Variants in TRAF3 observed in about 807,000 individuals in gnomAD.
The protein encoded by TRAF3 is TNF receptor-associated factor 3.
A neutral mutation model predicts 62.3 loss-of-function variants in TRAF3; 13 were observed. The observed-to-expected ratio is 0.21, with a 90% CI of 0.14 to 0.33. TRAF3 has a LOEUF of 0.33. TRAF3 is among the 10% of genes least tolerant of loss of function. TRAF3 has a pLI of 1.00. For synonymous variants in TRAF3, 269 were observed against 283.4 expected, an observed-to-expected ratio of 0.95 and a Z score of 0.51; for missense variants, 440 against 741.8, an observed-to-expected ratio of 0.59 and a Z score of 4.73.
Position 102,911,395 on chromosome 14 carries a change from T to C in TRAF3, c.*5611T>C, listed in dbSNP as rs1890861406. Reference sequence around the variant, plus strand: ...GTGTTTTGAGGTCTTGCAATGTTTTTGTGTTTCTGATGCTAATAACTAAAG... The same window carrying C: ...GTGTTTTGAGGTCTTGCAATGTTTTCGTGTTTCTGATGCTAATAACTAAAG... On this transcript the variant is annotated 3_prime_UTR_variant, in exon 12 of 12. Coordinates refer to ENST00000392745, the MANE Select transcript of TRAF3 (RefSeq NM_145725.3). 6.6e-6 allele frequency: 1 copy of C among 152,258 alleles called. No homozygotes were observed. Among genetic ancestry groups the C allele is most frequent in the African/African-American group, 2.4e-5 (1 of 41,452 alleles). The allele number at this position is 152,258 out of a possible 1,614,324, so 9.4% of individuals were successfully genotyped here. A position where few individuals can be genotyped will look rare whatever the true frequency, so the allele number is the denominator to read the frequency against.
At chr14:102,777,909 A>G (rs1481437680) in intron 1 of TRAF3, among the ~76,000 whole-genome samples, 1 of 149,302 alleles carries the variant, frequency 6.7e-6, no homozygotes, top group African/African-American at 2.4e-5. Context: ...AACTTCGGCA[A>G]ACTTTGTCCC....
intron 2 of TRAF3, among the ~76,000 whole-genome samples, chr14:102,856,423 T>G (rs1213115500): frequency 2.0e-5 from 3 of 152,202 alleles, no homozygotes; most frequent in African/African-American, 7.2e-5. Flanking sequence ...ATCTGGAAAC[T>G]GTCATGGTGC....
At position 102,880,699 on chromosome 14, in the gene TRAF3, G is replaced by A. The variant is rs1052482240; in HGVS notation, c.570+4174G>A. Among the ~76,000 whole-genome samples, 4 of 152,314 alleles carry A rather than the reference G, an allele frequency of 2.6e-5. No individual in the cohort carries two copies. The East Asian group carries it at 7.7e-4, about 29-fold the overall frequency. ...CAGTATTGACAATAGCAAAGACATG[G>A]AATCAACCTAAATGCCCATCAGTGA... On this transcript the variant is annotated intron_variant, in intron 6 of 11. Coordinates refer to ENST00000392745, the MANE Select transcript of TRAF3 (RefSeq NM_145725.3).
chr14:102,804,673 G>A (rs982435326), intron 1 of TRAF3, among the ~76,000 whole-genome samples: 9 of 151,984 alleles, frequency 5.9e-5, no homozygotes, highest in African/African-American at 1.5e-4. Flanking sequence ...TTTTTGTAGC[G>A]ACAGGGTTTT....
At chr14:102,804,962 C>T (rs1898680516) in intron 1 of TRAF3, among the ~76,000 whole-genome samples, 1 of 152,142 alleles carries the variant, frequency 6.6e-6, no homozygotes, top group African/African-American at 2.4e-5. Flanking sequence ...TTGTCTATAC[C>T]ACCATATTTT....
chr14:102,908,875 G>C lies in TRAF3; in HGVS notation c.*3091G>C, dbSNP rs1041888656. Reference sequence around the variant, plus strand: ...CAGGCACGCTGGTTGGCTGGCCTGGGCCCGGCTCACGTGAAGGGCACTGGC... The same window carrying C: ...CAGGCACGCTGGTTGGCTGGCCTGGCCCCGGCTCACGTGAAGGGCACTGGC... On this transcript the variant is annotated 3_prime_UTR_variant, in exon 12 of 12. Coordinates refer to ENST00000392745, the MANE Select transcript of TRAF3 (RefSeq NM_145725.3). 2 of 152,296 alleles carry C rather than the reference G, an allele frequency of 1.3e-5. No individual in the cohort carries two copies. The highest frequency in any genetic ancestry group is 4.8e-5 in the African/African-American group (2 of 41,466). 9.4% of individuals were successfully genotyped at this position (152,296 alleles called of 1,614,324 possible).
At chr14:102,782,471 G>A (rs540439486) in intron 1 of TRAF3, among the ~76,000 whole-genome samples, 1 of 152,010 alleles carries the variant, frequency 6.6e-6, no homozygotes, top group East Asian at 1.9e-4. Flanking sequence ...GACCTCAAGT[G>A]ATCCACCCAT....
intron 7 of TRAF3, among the ~76,000 whole-genome samples, chr14:102,887,736 A>G (rs1281346735): frequency 2.6e-4 from 40 of 152,078 alleles, no homozygotes; most frequent in Admixed American, 2.6e-3. Context: ...CTGGGACTAC[A>G]GGCGCCTGCC....
intron 1 of TRAF3, among the ~76,000 whole-genome samples, chr14:102,813,839 C>G (rs537392628): frequency 6.6e-6 from 1 of 151,614 alleles, no homozygotes; most frequent in Non-Finnish European, 1.5e-5. Flanking sequence ...ATGAATAGTT[C>G]GCAAATACTT....
chr14:102,790,497 G>A (rs1330655873), intron 1 of TRAF3, among the ~76,000 whole-genome samples: 1 of 152,176 alleles, frequency 6.6e-6, no homozygotes, highest in Admixed American at 6.5e-5. Flanking sequence ...TCACATGGCT[G>A]GGGAGGCCTC....
intron 1 of TRAF3, among the ~76,000 whole-genome samples, chr14:102,797,616 T>C (rs998531734): frequency 3.9e-5 from 6 of 152,212 alleles, no homozygotes; most frequent in Admixed American, 3.3e-4. Context: ...TTTGAAAGCC[T>C]TGTCTCCTTG....
intron 2 of TRAF3, among the ~76,000 whole-genome samples, chr14:102,866,287 G>A (rs922611408): frequency 6.6e-6 from 1 of 152,190 alleles, no homozygotes; most frequent in African/African-American, 2.4e-5. Flanking sequence ...GGAGGGTGGG[G>A]ATAGCATTAG....
At chr14:102,875,595 C>T (rs758334985) in intron 4 of TRAF3, 29 bp from the exon 5 acceptor site, 132 of 1,574,690 alleles carry the variant, frequency 8.4e-5, no homozygotes, top group Non-Finnish European at 1.0e-4. Context: ...AAATATTAAT[C>T]CTCCAAAATA....
intron 2 of TRAF3, among the ~76,000 whole-genome samples, chr14:102,849,090 G>T (rs760109842): frequency 1.3e-5 from 2 of 152,140 alleles, no homozygotes; most frequent in Admixed American, 1.3e-4. Context: ...AAGCCATGGC[G>T]CCTGGCAGAT....
chr14:102,872,645 G>A (rs1377440178), intron 4 of TRAF3, among the ~76,000 whole-genome samples: 1 of 152,024 alleles, frequency 6.6e-6, no homozygotes, highest in Non-Finnish European at 1.5e-5. Context: ...AGGTATACTT[G>A]GAGTTTGAAA....
rs770010784 is a variant in TRAF3, at chr14:102,903,437, A to AGGGGCC, written c.1135+18_1135+23dup. 239 of 1,613,210 alleles carry AGGGGCC rather than the reference A, an allele frequency of 1.5e-4. No individual in the cohort carries two copies. The highest frequency in any genetic ancestry group is 1.9e-4 in the Non-Finnish European group (222 of 1,179,804). ...AAGTGGCTCGGAACACAGGTGAGGCAGGGGCCGGGGCCGGGCCAGCAGTGT... is the reference window on the plus strand; with the variant it reads ...AAGTGGCTCGGAACACAGGTGAGGCAGGGGCCGGGGCCGGGGCCGGGCCAGCAGTGT... On this transcript the variant is annotated intron_variant, in intron 11 of 11. Coordinates refer to ENST00000392745, the MANE Select transcript of TRAF3 (RefSeq NM_145725.3). The surrounding 1 kb of genome is among the most constrained non-coding windows in gnomAD (Gnocchi z 6.4).
At chr14:102,823,135 A>G (rs1689638183) in intron 1 of TRAF3, among the ~76,000 whole-genome samples, 1 of 152,176 alleles carries the variant, frequency 6.6e-6, no homozygotes, top group Non-Finnish European at 1.5e-5. Flanking sequence ...AGGTAGACAG[A>G]TGGCAGTGGG....
intron 2 of TRAF3, among the ~76,000 whole-genome samples, chr14:102,859,753 A>T (rs907239861): frequency 3.3e-5 from 5 of 152,194 alleles, no homozygotes; most frequent in African/African-American, 1.2e-4. Flanking sequence ...CACACACAAC[A>T]CATATAAATA....
Position 102,870,427 on chromosome 14 carries a change from T to G in TRAF3, c.226T>G (p.Cys76Gly). ...TECGHRFCES[C>G]MAALLSSSSP... The stretch of plus-strand genomic sequence containing the variant: ...GTGTGGGCACCGCTTCTGCGAGAGC[T>G]GCATGGCGGCCCTGCTGAGGTAGGC... Residue 76 changes from cysteine (C) to glycine (G), a missense_variant, in exon 3 of 12, where the codon TGC (cysteine) becomes GGC (glycine). Physicochemically the swap from Cys to Gly is radical, Grantham distance 159 (BLOSUM62 -3). This residue lies in a region of TRAF3 where 255 missense variants were observed against 424.1 expected (regional missense o/e 0.60). Transcript: ENST00000392745. The G allele has an allele frequency of 6.2e-7, 1 of 1,613,858 alleles. No homozygotes were observed.
Sources: gnomAD v4.1 joint callset for allele counts (sites outside exome capture counted in the v4.1 genomes callset) on GRCh38, gnomAD v4.1.1 for gene constraint, gnomAD v4.1.1 regional missense constraint, Gnocchi (gnomAD v3.1) non-coding constraint, MANE v1.5 for transcripts, NCBI Gene and HGNC (gene_info 2026-07-23, HGNC 2026-07-21) for gene names.